The following FRMD3 variants were observed in gnomAD, a reference collection of about 807,000 sequenced individuals.
FRMD3 encodes FERM domain-containing protein 3.
In FRMD3, 33 loss-of-function variants were observed where a neutral mutation model predicts 70.2. That is an observed-to-expected ratio of 0.47 (90% CI 0.36 to 0.63). FRMD3 has a LOEUF of 0.63. FRMD3 is among the 20% of genes least tolerant of loss of function. FRMD3 has a pLI of 0.00. For synonymous variants in FRMD3, 279 were observed against 255.9 expected (o/e 1.09, Z -0.86); for missense variants, 632 against 711.4 (o/e 0.89, Z 1.27).
chr9:83,288,941 C>A (rs937647491), intron 13 of FRMD3, among the ~76,000 whole-genome samples: 1 of 152,182 alleles, frequency 6.6e-6, no homozygotes, highest in Non-Finnish European at 1.5e-5. Context: ...ATCATTCAAC[C>A]CATCTGGGCC....
At position 83,443,224 on chromosome 9, in the gene FRMD3, T is replaced by C. The variant is rs373859389; in HGVS notation, c.148-53516A>G. Among the ~76,000 whole-genome samples the C allele has an allele frequency of 2.7e-3, 407 of 152,294 alleles. 3 individuals are homozygous for C. The highest frequency in any genetic ancestry group is 9.1e-3 in the African/African-American group (377 of 41,550). ...GTTACATATGCATACATGTGCCATG[T>C]TGGTTTGCAGCACCCATTAACTTGT... On this transcript the variant is annotated intron_variant, in intron 1 of 13. Transcript: ENST00000304195.
chr9:83,299,213 G>T, intron 10 of FRMD3, 27 bp from the exon 11 acceptor site: 3 of 1,521,814 alleles, frequency 2.0e-6, no homozygotes, highest in Non-Finnish European at 1.8e-6. Context: ...AGCACAGGTG[G>T]TTAGGACATT....
intron 1 of FRMD3, among the ~76,000 whole-genome samples, chr9:83,447,178 C>G (rs2131406837): frequency 6.6e-6 from 1 of 152,316 alleles, no homozygotes; most frequent in South Asian, 2.1e-4. Context: ...CATGCGCCAC[C>G]ACGCACAGCT....
intron 13 of FRMD3, chr9:83,267,075 A>G (rs1317196167): frequency 6.4e-7 from 1 of 1,550,900 alleles, no homozygotes; most frequent in Non-Finnish European, 8.7e-7. Flanking sequence ...TTACTGTTGC[A>G]GTGGTTCACC....
At chr9:83,555,752 G>C in the FRMD3 span, among the ~76,000 whole-genome samples, 2 of 152,196 alleles carry the variant, frequency 1.3e-5, no homozygotes, top group African/African-American at 2.4e-5. Flanking sequence ...AGTATCTAAG[G>C]CTCCAGGGTC....
At chr9:83,430,875 T>C (rs1404793659) in intron 1 of FRMD3, among the ~76,000 whole-genome samples, 13 of 152,260 alleles carry the variant, frequency 8.5e-5, no homozygotes, top group Admixed American at 8.5e-4. Context: ...CAGCTGTCCC[T>C]GTGGCCAGGC....
In FRMD3 at chr9:83,246,313, C is replaced by T; in HGVS notation, c.*1605G>A. ...ACTCTTATCTTTCTCCCACATAACA[C>T]AGTATCAGCAGGTAGTCTGCATGGG... On this transcript the variant is annotated 3_prime_UTR_variant, in exon 14 of 14. Coordinates refer to ENST00000304195, the MANE Select transcript of FRMD3 (RefSeq NM_174938.6). The T allele has an allele frequency of 1.0e-6, 1 of 984,584 alleles. No individual in the cohort carries two copies. Among genetic ancestry groups the T allele is most frequent in the Non-Finnish European group, 1.2e-6 (1 of 829,242 alleles). 61.0% of individuals were successfully genotyped at this position (984,584 alleles called of 1,614,324 possible). A position where few individuals can be genotyped will look rare whatever the true frequency, so the allele number is the denominator to read the frequency against.
intron 13 of FRMD3, among the ~76,000 whole-genome samples, chr9:83,271,167 A>G (rs561723172): frequency 3.4e-4 from 52 of 152,302 alleles, no homozygotes; most frequent in African/African-American, 1.3e-3. Flanking sequence ...ATATCATGCA[A>G]TTTATCTACA....
At chr9:83,414,681 T>C (rs564915193) in intron 1 of FRMD3, among the ~76,000 whole-genome samples, 1 of 152,314 alleles carries the variant, frequency 6.6e-6, no homozygotes, top group South Asian at 2.1e-4. Context: ...GCAAAAGACT[T>C]GAACAGGTAG....
At chr9:83,511,789 C>A (rs1469538271) in intron 1 of FRMD3, among the ~76,000 whole-genome samples, 1 of 152,206 alleles carries the variant, frequency 6.6e-6, no homozygotes, top group Non-Finnish European at 1.5e-5. Flanking sequence ...CAGGGATGAA[C>A]CCACTCCCAG....
chr9:83,372,919 T>C lies in FRMD3; in HGVS notation c.289A>G (p.Met97Val). ...GTCACAGATTGACACTTACTTTTCA[T>C]TTGCTTGAAGATGGACTTGTTAGGT... Reference protein sequence around the residue: ...LEPNKSIFKQMKTHPPYTMCF... With the variant: ...LEPNKSIFKQVKTHPPYTMCF... The change falls in exon 3 of 14, where the codon ATG becomes GTG. Residue 97 changes from methionine to valine, a missense_variant. By Grantham distance (21) the Met-to-Val change is conservative. Around this residue, in one of 3 missense-constraint regions of FRMD3, gnomAD observed 208 missense variants for 247.7 expected, o/e 0.84. Coordinates refer to ENST00000304195, the MANE Select transcript of FRMD3 (RefSeq NM_174938.6). 6.2e-7 allele frequency: 1 copy of C among 1,613,414 alleles called. No individual in the cohort carries two copies. Among genetic ancestry groups the C allele is most frequent in the Non-Finnish European group, 8.5e-7 (1 of 1,179,558 alleles).
At chr9:83,350,635 A>AG (rs1259168880) in intron 3 of FRMD3, 1 of 462,814 alleles carries the variant, frequency 2.2e-6, no homozygotes, top group African/African-American at 2.1e-5. Context: ...AAAAAAAAAA[A>AG]AAAGAAAGAA....
At chr9:83,532,240 G>T (rs1393308604) in intron 1 of FRMD3, among the ~76,000 whole-genome samples, 1 of 152,272 alleles carries the variant, frequency 6.6e-6, no homozygotes, top group East Asian at 1.9e-4. Context: ...CAGAGCCAGG[G>T]TTCAAACCCA....
intron 1 of FRMD3, among the ~76,000 whole-genome samples, chr9:83,412,860 T>G (rs1826319668): frequency 6.6e-6 from 1 of 152,102 alleles, no homozygotes. Context: ...CCGGGCATGG[T>G]GGCACACACC....
chr9:83,377,438 T>C (rs138745306), intron 2 of FRMD3, among the ~76,000 whole-genome samples: 78 of 152,308 alleles, frequency 5.1e-4, no homozygotes, highest in Non-Finnish European at 9.6e-4. Flanking sequence ...AGTTTGGATG[T>C]GTGTCCCCAA....
chr9:83,565,705 A>G, the FRMD3 span, among the ~76,000 whole-genome samples: 1 of 152,230 alleles, frequency 6.6e-6, no homozygotes, highest in African/African-American at 2.4e-5. Context: ...GAATTAATGG[A>G]TGATAATTAC....
Position 83,462,361 on chromosome 9 carries a change from G to A in FRMD3, c.148-72653C>T, listed in dbSNP as rs76103681. ...GGTCTCTGAAGCATCTAAGCATCAA[G>A]GAGGCCCCTGGGGGTCTTATCCTCT... is the stretch of plus-strand genomic sequence containing the variant. On this transcript the variant is annotated intron_variant, in intron 1 of 13. Transcript: ENST00000304195. 6.9e-3 allele frequency among the ~76,000 whole-genome samples: 1,058 copies of A among 152,240 alleles called. 12 individuals are homozygous for A. The highest frequency in any genetic ancestry group is 0.024 in the African/African-American group (998 of 41,534).
intron 8 of FRMD3, 125 bp from the exon 9 acceptor site, chr9:83,310,673 G>A: frequency 1.4e-6 from 1 of 693,100 alleles, no homozygotes; most frequent in East Asian, 2.6e-5. Flanking sequence ...TATTATCATT[G>A]GTGAAGGTCT....
At chr9:83,417,489 A>G (rs1389919855) in intron 1 of FRMD3, among the ~76,000 whole-genome samples, 1 of 152,200 alleles carries the variant, frequency 6.6e-6, no homozygotes, top group Non-Finnish European at 1.5e-5. Context: ...AAAATTACTA[A>G]GCTAGTCCTA....
Sources: allele counts gnomAD v4.1 joint callset (sites outside exome capture counted in the v4.1 genomes callset), GRCh38; gene constraint gnomAD v4.1.1; regional missense constraint gnomAD v4.1.1; transcripts MANE v1.5; gene names NCBI Gene and HGNC (gene_info 2026-07-23, HGNC 2026-07-21).